ANKRD42: variants seen among roughly 807,000 people sequenced by gnomAD.
ANKRD42 encodes ankyrin repeat domain 42.
ANKRD42 carries 43 observed loss-of-function variants against 51.5 expected under a neutral mutation model. That is an observed-to-expected ratio of 0.83 (90% confidence interval 0.65 to 1.08). ANKRD42 has a LOEUF of 1.08. Among genes scored for constraint, ANKRD42 ranks in the 50% least tolerant of loss-of-function variants. The pLI, the probability that ANKRD42 is intolerant of heterozygous loss-of-function variation, is 0.00. For missense variants in ANKRD42, 608 were observed against 629.3 expected (o/e 0.97, Z 0.36); for synonymous variants, 203 against 213.0 (o/e 0.95, Z 0.41).
Position 83,236,458 on chromosome 11 carries a change from A to C in ANKRD42, c.968A>C (p.Asp323Ala), listed in dbSNP as rs1161654698. The change falls in exon 8 of 11, where the codon GAC (aspartate) becomes GCC (alanine). Residue 323 changes from aspartate to alanine, a missense_variant. Physicochemically the swap from Asp to Ala is moderately radical, Grantham distance 126. Transcript: ENST00000533342. ...CLQWLIKMGA[D>A]SNITNKAGER... is the part of the protein sequence containing the mutation. Reference sequence around the variant, plus strand: ...CAGTGGTTAATTAAAATGGGAGCAGACAGTAATATTACCAACAAAGCAGGG... The same window carrying C: ...CAGTGGTTAATTAAAATGGGAGCAGCCAGTAATATTACCAACAAAGCAGGG... 6.2e-7 allele frequency: 1 copy of C among 1,612,450 alleles called. No individual in the cohort carries two copies. The highest frequency in any genetic ancestry group is 2.2e-5 in the East Asian group (1 of 44,880).
chr11:83,248,980 C>G (rs1370198042), downstream of ANKRD42: 3 of 983,732 alleles, frequency 3.0e-6, no homozygotes, highest in Non-Finnish European at 2.4e-6. Context: ...TTAATCTATT[C>G]TCTTCATTTT....
intron 11 of ANKRD42, among the ~76,000 whole-genome samples, chr11:83,254,430 C>CTTTT (rs778427623): frequency 1.2e-4 from 15 of 130,428 alleles, no homozygotes; most frequent in Admixed American, 1.5e-4. Flanking sequence ...TTTCTTTTTT[C>CTTTT]TTTTCTTTTT....
At position 83,194,268 on chromosome 11, in the gene ANKRD42, G is replaced by A. The variant is rs766474640; in HGVS notation, c.-403G>A. ...CTTGGGAGGGAGTCAGTGACATTCG[G>A]GACCCGCGAACTAGTGACTTCGGGG... On this transcript the variant is annotated 5_prime_UTR_variant, in exon 1 of 11. Coordinates refer to ENST00000533342, the MANE Select transcript of ANKRD42 (RefSeq NM_001300975.2). 2.1e-5 allele frequency: 10 copies of A among 472,366 alleles called. No individual in the cohort carries two copies. The highest frequency in any genetic ancestry group is 1.5e-4 in the South Asian group (10 of 64,694). The allele number at this position is 472,366 out of a possible 1,614,324, so 29.3% of individuals were successfully genotyped here.
In ANKRD42 at chr11:83,193,984, G is replaced by T. The variant is rs915014613; in HGVS notation, c.-687G>T. 5 of 456,416 alleles carry T rather than the reference G, an allele frequency of 1.1e-5. No individual in the cohort carries two copies. Among genetic ancestry groups the T allele is most frequent in the Non-Finnish European group, 1.8e-5 (4 of 226,798 alleles). The allele number at this position is 456,416 out of a possible 1,614,324, so 28.3% of individuals were successfully genotyped here. On this transcript the variant is annotated 5_prime_UTR_variant, in exon 1 of 11. Coordinates refer to ENST00000533342, the MANE Select transcript of ANKRD42 (RefSeq NM_001300975.2). The stretch of plus-strand genomic sequence containing the variant: ...GAGCGACCGCCGCTCCAGGGTCGCT[G>T]CAGGAAGCCTAAGTGCAGACGCCGG...
In ANKRD42 at chr11:83,248,592, G is replaced by A; in HGVS notation, c.*388G>A. 1.0e-6 allele frequency: 1 copy of A among 988,220 alleles called. No homozygotes were observed. 61.2% of individuals were successfully genotyped at this position (988,220 alleles called of 1,614,324 possible). ...AGTTTCTTCATCAATCATCATGGAT[G>A]AATTAATTCTGTTTGAGGCTTGTGT... On this transcript the variant is annotated 3_prime_UTR_variant, in exon 11 of 11. Coordinates refer to ENST00000533342, the MANE Select transcript of ANKRD42 (RefSeq NM_001300975.2).
At position 83,238,631 on chromosome 11, in the gene ANKRD42, G is replaced by A. The variant is rs971536088; in HGVS notation, c.1019+2122G>A. On this transcript the variant is annotated intron_variant, in intron 8 of 10. Transcript: ENST00000533342. Reference sequence around the variant, plus strand: ...GGATCACCTGAGGTCAGGAGTTTGAGATCAGGCTGACCAACATGGAGAAAC... The same window carrying A: ...GGATCACCTGAGGTCAGGAGTTTGAAATCAGGCTGACCAACATGGAGAAAC... 5.9e-5 allele frequency among the ~76,000 whole-genome samples: 9 copies of A among 152,316 alleles called. No individual in the cohort carries two copies. The South Asian group carries it at 1.9e-3, about 32-fold the overall frequency.
chr11:83,213,678 G>T (rs114403926), intron 5 of ANKRD42: 332 of 574,256 alleles, frequency 5.8e-4, no homozygotes, highest in African/African-American at 5.5e-3. Flanking sequence ...TGGTTTTTTT[G>T]TGTGTGTGAT....
At chr11:83,255,305 C>A (rs552104290) in intron 11 of ANKRD42, among the ~76,000 whole-genome samples, 1 of 152,136 alleles carries the variant, frequency 6.6e-6, no homozygotes, top group Non-Finnish European at 1.5e-5. Flanking sequence ...CTTAAGAATA[C>A]CAAGATGGAT....
chr11:83,258,369 G>C (rs554272569), downstream of ANKRD42, among the ~76,000 whole-genome samples: 1 of 152,108 alleles, frequency 6.6e-6, no homozygotes, highest in East Asian at 1.9e-4. Context: ...TTATTAAAGA[G>C]ATTTAAGTTA....
intron 10 of ANKRD42, among the ~76,000 whole-genome samples, chr11:83,246,479 G>C (rs916807888): frequency 9.2e-5 from 14 of 152,196 alleles, no homozygotes; most frequent in African/African-American, 3.4e-4. Flanking sequence ...CTGGGATAGA[G>C]GATGCCTCGA....
chr11:83,200,872 C>T (rs1217619365), intron 2 of ANKRD42, among the ~76,000 whole-genome samples: 1 of 152,120 alleles, frequency 6.6e-6, no homozygotes, highest in Admixed American at 6.6e-5. Context: ...TTTCTCTAAC[C>T]TCATCTCCCA....
intron 8 of ANKRD42, among the ~76,000 whole-genome samples, chr11:83,238,336 A>G: frequency 6.6e-6 from 1 of 152,250 alleles, no homozygotes; most frequent in Non-Finnish European, 1.5e-5. Context: ...GTTGGGCCAT[A>G]TGCCAAGTGT....
intron 2 of ANKRD42, among the ~76,000 whole-genome samples, chr11:83,202,454 G>T (rs1458635674): frequency 1.3e-5 from 2 of 152,316 alleles, no homozygotes; most frequent in African/African-American, 4.8e-5. Context: ...TTTTGCTTAG[G>T]ATTGCCTTAG....
downstream of ANKRD42, chr11:83,261,218 C>T (rs1386078005): frequency 6.6e-6 from 1 of 152,174 alleles, no homozygotes; most frequent in East Asian, 1.9e-4. Context: ...AGGCATGTGC[C>T]ACCATGCCTG....
chr11:83,247,763 A>G (rs1402155635), intron 10 of ANKRD42, among the ~76,000 whole-genome samples, 180 bp from the exon 11 acceptor site: 1 of 152,194 alleles, frequency 6.6e-6, no homozygotes, highest in Non-Finnish European at 1.5e-5. Flanking sequence ...TTTGTTCACC[A>G]CTGTATCCCC....
chr11:83,211,968 G>A (rs1220000729), intron 5 of ANKRD42, among the ~76,000 whole-genome samples: 3 of 151,748 alleles, frequency 2.0e-5, no homozygotes, highest in Non-Finnish European at 4.4e-5. Flanking sequence ...AGAGAAATTG[G>A]CAAAATTAAA....
At chr11:83,234,791 T>C (rs1357452579) in intron 7 of ANKRD42, among the ~76,000 whole-genome samples, 1 of 152,194 alleles carries the variant, frequency 6.6e-6, no homozygotes, top group Non-Finnish European at 1.5e-5. Flanking sequence ...TCTGTGTTAG[T>C]GGGTTCTGGA....
chr11:83,212,902 A>T, intron 5 of ANKRD42: 2 of 1,435,164 alleles, frequency 1.4e-6, no homozygotes, highest in Non-Finnish European at 1.8e-6. Context: ...GTATTTTGTA[A>T]GTTTTTTTTT....
chr11:83,199,792 C>A (rs1861798939), intron 2 of ANKRD42, among the ~76,000 whole-genome samples: 1 of 152,180 alleles, frequency 6.6e-6, no homozygotes, highest in South Asian at 2.1e-4. Context: ...TGTGTGATAT[C>A]TTCTTTATTT....
Sources: allele counts gnomAD v4.1 joint callset (sites outside exome capture counted in the v4.1 genomes callset), GRCh38; gene constraint gnomAD v4.1.1; transcripts MANE v1.5; gene names NCBI Gene and HGNC (gene_info 2026-07-23, HGNC 2026-07-21).